MUC3A: variants seen among roughly 807,000 people sequenced by gnomAD.
MUC3A encodes the protein mucin 3A, cell surface associated.
In MUC3A, 109 loss-of-function variants were observed where a neutral mutation model predicts 109.0. The observed-to-expected ratio is 1.00, with a 90% CI of 0.86 to 1.17. The LOEUF is 1.17. Among genes scored for constraint, MUC3A ranks in the 50% most tolerant of loss-of-function variants. The pLI is 0.00. For missense variants in MUC3A, 3,537 were observed against 2,469.4 expected, an observed-to-expected ratio of 1.43 and a Z score of -9.16; for synonymous variants, 1,398 against 981.4, an observed-to-expected ratio of 1.42 and a Z score of -7.93.
rs1426268097 is a variant in MUC3A, at chr7:100,949,634, T to C, written c.10T>C (p.Leu4=). The change falls in exon 1 of 12, where the codon TTG becomes CTG. Residue 4 remains leucine, a synonymous_variant. Transcript: ENST00000379458. The stretch of plus-strand genomic sequence containing the variant: ...CCTGCCCGCTGGGCCCATGCAGCTG[T>C]TGGGGCTCCTCGGCCTCCTCTGGAT... MQL[L]GLLGLLWMLK... 1.3e-6 allele frequency: 2 copies of C among 1,555,166 alleles called. No individual in the cohort carries two copies. Among genetic ancestry groups the C allele is most frequent in the Non-Finnish European group, 1.7e-6 (2 of 1,157,878 alleles).
chr7:100,952,528 A>G lies in MUC3A; in HGVS notation c.749A>G (p.Lys250Arg), dbSNP rs778517996. 1.3e-6 allele frequency: 2 copies of G among 1,598,502 alleles called. No homozygotes were observed. The highest frequency in any genetic ancestry group is 3.3e-5 in the Admixed American group (2 of 60,028). ...CCAACCCCAGTATTTACTACTCTCA[A>G]AACAGCAGTGACTTCCACTTCCCCC... ...TSPTPVFTTL[K>R]TAVTSTSPIT... Residue 250 changes from lysine (K) to arginine (R), a missense_variant, in exon 2 of 12, where the codon AAA (lysine) becomes AGA (arginine). Lys to Arg is a conservative substitution (Grantham distance 26). Coordinates refer to ENST00000379458, the MANE Select transcript of MUC3A (RefSeq NM_005960.2).
In MUC3A at chr7:100,963,286, G is replaced by GT; in HGVS notation, c.9168+20_9168+21insT. On this transcript the variant is annotated intron_variant, in intron 4 of 11. Transcript: ENST00000379458. ...AATCAGGTAAAGGGCAAAGAGAGGG[G>GT]ATTTTTTTTTTTTTTTTGAGGTGTA... 2 of 1,494,760 alleles carry GT rather than the reference G, an allele frequency of 1.3e-6. No individual in the cohort carries two copies. Among genetic ancestry groups the GT allele is most frequent in the Non-Finnish European group, 1.8e-6 (2 of 1,120,408 alleles). The allele number at this position is 1,494,760 out of a possible 1,614,324, so 92.6% of individuals were successfully genotyped here.
Position 100,953,360 on chromosome 7 carries a change from G to T in MUC3A, c.1581G>T (p.Thr527=). 1 of 429,008 alleles carries T rather than the reference G, an allele frequency of 2.3e-6. No homozygotes were observed. Among genetic ancestry groups the T allele is most frequent in the African/African-American group, 2.9e-5 (1 of 34,692 alleles). The allele number at this position is 429,008 out of a possible 1,614,324, so 26.6% of individuals were successfully genotyped here. The part of the protein sequence containing the change: ...TLSTPTSSLL[T]TFPATYSFSS... ...GCACTCCTACAAGTTCCCTCCTGACGACCTTCCCAGCAACATATTCATTTT... is the reference window on the plus strand; with the variant it reads ...GCACTCCTACAAGTTCCCTCCTGACTACCTTCCCAGCAACATATTCATTTT... Residue 527 remains threonine, a synonymous_variant, in exon 2 of 12, where the codon ACG becomes ACT. Transcript: ENST00000379458.
Position 100,968,125 on chromosome 7 carries a change from T to C in MUC3A, c.*963T>C, listed in dbSNP as rs76658975. The C allele has an allele frequency of 0.83, 126,436 of 152,658 alleles. 50,170 individuals carry two copies. The highest frequency in any genetic ancestry group is 1 in the East Asian group (5,202 of 5,208). The allele number at this position is 152,658 out of a possible 1,614,324, so 9.5% of individuals were successfully genotyped here. ...CCCCTCAGTCTCCCTCCTCCTCATTTCCTTCGATCCCCCTCCCTTCTTGCC... is the reference window on the plus strand; with the variant it reads ...CCCCTCAGTCTCCCTCCTCCTCATTCCCTTCGATCCCCCTCCCTTCTTGCC... On this transcript the variant is annotated 3_prime_UTR_variant, in exon 12 of 12. Coordinates refer to ENST00000379458, the MANE Select transcript of MUC3A (RefSeq NM_005960.2).
chr7:100,955,350 C>G lies in MUC3A; in HGVS notation c.3571C>G (p.Leu1191Val), dbSNP rs1792072159. ...TTCCACAACCATGACCCCATCTTCT[C>G]TGAGTACAGACACCCCTTCCACAAC... ...VTSTTMTPSSLSTDTPSTTPT... is the reference protein window; with the variant it reads ...VTSTTMTPSSVSTDTPSTTPT... Residue 1191 changes from leucine (L) to valine (V), a missense_variant, in exon 2 of 12, where the codon CTG becomes GTG. Leu to Val is a conservative substitution (Grantham distance 32, BLOSUM62 1). Coordinates refer to ENST00000379458, the MANE Select transcript of MUC3A (RefSeq NM_005960.2). 2.8e-6 allele frequency: 2 copies of G among 719,408 alleles called. No homozygotes were observed. Among genetic ancestry groups the G allele is most frequent in the South Asian group, 3.0e-5 (2 of 66,514 alleles). 44.6% of individuals were successfully genotyped at this position (719,408 alleles called of 1,614,324 possible). A position where few individuals can be genotyped will look rare whatever the true frequency, so the allele number is the denominator to read the frequency against.
Position 100,957,637 on chromosome 7 carries a change from A to C in MUC3A, c.5858A>C (p.His1953Pro), listed in dbSNP as rs1792136403. ...SSITNTKTTS[H>P]SSPSFTSSIT... ...ATCACCAATACCAAGACCACCTCAC[A>C]CAGCTCTCCCAGCTTCACTTCTTCG... Residue 1953 changes from histidine to proline, a missense_variant, in exon 2 of 12, where the codon CAC becomes CCC. By Grantham distance (77) the His-to-Pro change is moderately conservative. Transcript: ENST00000379458. The C allele has an allele frequency of 4.6e-6, 7 of 1,537,104 alleles. No individual in the cohort carries two copies. In the South Asian group the frequency reaches 4.7e-5, roughly 10 times the overall value.
chr7:100,961,873 C>T (rs1486841684), intron 3 of MUC3A, among the ~76,000 whole-genome samples: 7 of 152,420 alleles, frequency 4.6e-5, no homozygotes, highest in African/African-American at 1.2e-4. Context: ...TTTGGAAGGC[C>T]GAGGAGGGAG....
chr7:100,959,878 C>T lies in MUC3A; in HGVS notation c.8099C>T (p.Thr2700Ile). The change falls in exon 2 of 12, where the codon ACT becomes ATT. Residue 2700 changes from threonine (T) to isoleucine (I), a missense_variant. Coordinates refer to ENST00000379458, the MANE Select transcript of MUC3A (RefSeq NM_005960.2). Reference sequence around the variant, plus strand: ...TCTTCTCCATCTTCTGCCAGCATAACTCCAGTGTTTTCCACTACCATTCAT... The same window carrying T: ...TCTTCTCCATCTTCTGCCAGCATAATTCCAGTGTTTTCCACTACCATTCAT... The part of the protein sequence containing the change: ...MSSSPSSASI[T>I]PVFSTTIHSV... 6.4e-7 allele frequency: 1 copy of T among 1,551,446 alleles called. No individual in the cohort carries two copies.
chr7:100,964,536 T>TCTC, intron 5 of MUC3A, 159 bp from the exon 6 acceptor site: 2 of 1,235,222 alleles, frequency 1.6e-6, no homozygotes, highest in Admixed American at 2.8e-5. Context: ...AAGTCAGGAA[T>TCTC]GCTGGCAGCC....
Position 100,949,578 on chromosome 7 carries a change from C to T in MUC3A, c.-47C>T. 1 of 1,497,626 alleles carries T rather than the reference C, an allele frequency of 6.7e-7. No homozygotes were observed. The highest frequency in any genetic ancestry group is 8.9e-7 in the Non-Finnish European group (1 of 1,129,024). 92.8% of individuals were successfully genotyped at this position (1,497,626 alleles called of 1,614,324 possible). ...CCCAGGGCCACGTCCCTGCCGCTGT[C>T]TTGGTCCTGAAGCCTGTTCTGCCCC... On this transcript the variant is annotated 5_prime_UTR_variant, in exon 1 of 12. Coordinates refer to ENST00000379458, the MANE Select transcript of MUC3A (RefSeq NM_005960.2).
In MUC3A at chr7:100,957,382, C is replaced by T; in HGVS notation, c.5603C>T (p.Thr1868Ile). ...ACCAATATGACAGGTACATTGTCCA[C>T]TGTGACCTCTCTTCGACCCACCTCT... ...YSTNMTGTLS[T>I]VTSLRPTSSS... Residue 1868 changes from threonine (T) to isoleucine (I), a missense_variant, in exon 2 of 12, where the codon ACT becomes ATT. Coordinates refer to ENST00000379458, the MANE Select transcript of MUC3A (RefSeq NM_005960.2). 1.5e-6 allele frequency: 1 copy of T among 660,848 alleles called. No homozygotes were observed. The highest frequency in any genetic ancestry group is 2.3e-5 in the South Asian group (1 of 42,762). The allele number at this position is 660,848 out of a possible 1,614,324, so 40.9% of individuals were successfully genotyped here. A position where few individuals can be genotyped will look rare whatever the true frequency, so the allele number is the denominator to read the frequency against.
At chr7:100,963,814 A>C in intron 5 of MUC3A, 62 bp downstream of exon 5, 1 of 1,592,470 alleles carries the variant, frequency 6.3e-7, no homozygotes, top group Non-Finnish European at 8.5e-7. Context: ...CGCACACAAA[A>C]AACCCATTCC....
chr7:100,956,428 C>A lies in MUC3A; in HGVS notation c.4649C>A (p.Pro1550His). 1 of 551,458 alleles carries A rather than the reference C, an allele frequency of 1.8e-6. No homozygotes were observed. Among genetic ancestry groups the A allele is most frequent in the Non-Finnish European group, 3.1e-6 (1 of 318,844 alleles). The allele number at this position is 551,458 out of a possible 1,614,324, so 34.2% of individuals were successfully genotyped here. A position where few individuals can be genotyped will look rare whatever the true frequency, so the allele number is the denominator to read the frequency against. ...STPTTAITSVPTTLGTMVTST... is the reference protein window; with the variant it reads ...STPTTAITSVHTTLGTMVTST... Reference sequence around the variant, plus strand: ...CCCACCACTGCCATCACCTCAGTTCCCACTACCTTGGGTACCATGGTGACT... The same window carrying A: ...CCCACCACTGCCATCACCTCAGTTCACACTACCTTGGGTACCATGGTGACT... Residue 1550 changes from proline (P) to histidine (H), a missense_variant, in exon 2 of 12, where the codon CCC becomes CAC. Coordinates refer to ENST00000379458, the MANE Select transcript of MUC3A (RefSeq NM_005960.2).
In MUC3A at chr7:100,960,236, C is replaced by G; in HGVS notation, c.8457C>G (p.Ile2819Met). 1 of 1,598,274 alleles carries G rather than the reference C, an allele frequency of 6.3e-7. No homozygotes were observed. Among genetic ancestry groups the G allele is most frequent in the Non-Finnish European group, 8.5e-7 (1 of 1,179,616 alleles). The change falls in exon 2 of 12, where the codon ATC becomes ATG. Residue 2819 changes from isoleucine to methionine, a missense_variant. Transcript: ENST00000379458. ...TTEMVTCPTS[I>M]SIQTTLTTYM... ...AAATGGTCACCTGTCCTACCTCCAT[C>G]AGTATCCAAACTACTCTTACTACAT... is the stretch of plus-strand genomic sequence containing the variant.
Position 100,957,731 on chromosome 7 carries a change from C to G in MUC3A, c.5952C>G (p.Thr1984=), listed in dbSNP as rs937449179. 4.6e-3 allele frequency: 6,079 copies of G among 1,334,154 alleles called. 62 individuals carry two copies. In the African/African-American group the frequency reaches 0.085, roughly 19 times the overall value. 82.6% of individuals were successfully genotyped at this position (1,334,154 alleles called of 1,614,324 possible). The change falls in exon 2 of 12, where the codon ACC becomes ACG. Residue 1984 remains threonine (T), a synonymous_variant. Coordinates refer to ENST00000379458, the MANE Select transcript of MUC3A (RefSeq NM_005960.2). ...CTTCTTCAATCACCACCACCAAGAC[C>G]ACCTCACACAGTACTCCCAGCTACA... ...SLTSSITTTK[T]TSHSTPSYTS...
At chr7:100,965,617 C>A (rs587613728) in intron 7 of MUC3A, 87 bp from the exon 8 acceptor site, 11 of 1,532,866 alleles carry the variant, frequency 7.2e-6, no homozygotes, top group South Asian at 1.2e-5. Context: ...GAATCCTCCT[C>A]GCGCATATTC....
rs752363352 is a variant in MUC3A, at chr7:100,964,779, G to T, written c.9318G>T (p.Lys3106Asn). The change falls in exon 6 of 12, where the codon AAG becomes AAT. Residue 3106 changes from lysine (K) to asparagine (N), a missense_variant. Transcript: ENST00000379458. ...PQLESEYEQV[K>N]TTLKEGLQNA... ...TGGAGAGCGAGTATGAGCAGGTGAAGACCACGCTGAAGGAGGGGCTGCAGA... is the reference window on the plus strand; with the variant it reads ...TGGAGAGCGAGTATGAGCAGGTGAATACCACGCTGAAGGAGGGGCTGCAGA... 1 of 1,598,472 alleles carries T rather than the reference G, an allele frequency of 6.3e-7. No individual in the cohort carries two copies. Among genetic ancestry groups the T allele is most frequent in the Non-Finnish European group, 8.5e-7 (1 of 1,179,758 alleles).
intron 3 of MUC3A, among the ~76,000 whole-genome samples, chr7:100,962,652 T>A (rs1359156445): frequency 6.6e-6 from 1 of 151,986 alleles, no homozygotes; most frequent in East Asian, 1.9e-4. Context: ...CTTCTTTTCT[T>A]TTGTCTCTTT....
intron 5 of MUC3A, 112 bp from the exon 6 acceptor site, chr7:100,964,583 G>GA: frequency 6.9e-7 from 1 of 1,443,626 alleles, no homozygotes; most frequent in Non-Finnish European, 9.1e-7. Context: ...CCCAACTCAT[G>GA]ACCTCTGCTC....
Sources: gnomAD v4.1 joint callset for allele counts (sites outside exome capture counted in the v4.1 genomes callset) on GRCh38, gnomAD v4.1.1 for gene constraint, MANE v1.5 for transcripts, NCBI Gene and HGNC (gene_info 2026-07-23, HGNC 2026-07-21) for gene names.